The following SLC44A5 variants were observed in gnomAD, a reference collection of about 807,000 sequenced individuals.
SLC44A5 encodes choline transporter-like protein 5.
A neutral mutation model predicts 101.8 loss-of-function variants in SLC44A5; 57 were observed. That is an observed-to-expected ratio of 0.56 (90% CI 0.45 to 0.70). The LOEUF (loss-of-function observed/expected upper bound fraction) is 0.70, where lower values mean the gene tolerates loss of function less well. Among genes scored for constraint, SLC44A5 ranks in the 30% least tolerant of loss-of-function variants. The pLI, the probability that SLC44A5 is intolerant of heterozygous loss-of-function variation, is 0.00. For synonymous variants in SLC44A5, 281 were observed against 290.9 expected (o/e 0.97, Z 0.35); for missense variants, 737 against 853.1 (o/e 0.86, Z 1.70).
At chr1:75,427,656 C>T (rs1048367764) in intron 2 of SLC44A5, among the ~76,000 whole-genome samples, 3 of 152,140 alleles carry the variant, frequency 2.0e-5, no homozygotes, top group African/African-American at 7.2e-5. Context: ...AGGATTAAAT[C>T]CCAGGCTGTG....
At chr1:75,708,648 G>A in the SLC44A5 span, among the ~76,000 whole-genome samples, 5 of 151,854 alleles carry the variant, frequency 3.3e-5, no homozygotes, top group Non-Finnish European at 7.4e-5. Flanking sequence ...CATTAAAAAC[G>A]ATGGCAATTA....
chr1:75,435,655 T>C (rs934268769), intron 2 of SLC44A5, among the ~76,000 whole-genome samples: 2 of 152,156 alleles, frequency 1.3e-5, no homozygotes, highest in African/African-American at 4.8e-5. Flanking sequence ...CTCATTCCTA[T>C]AGGAGCAAAC....
intron 2 of SLC44A5, among the ~76,000 whole-genome samples, chr1:75,515,368 C>CA (rs531529764): frequency 1.2e-4 from 17 of 146,288 alleles, no homozygotes; most frequent in African/African-American, 2.7e-4. Context: ...TGATAGATGT[C>CA]AAAAAAAAAA....
At chr1:75,628,949 C>T in the SLC44A5 span, among the ~76,000 whole-genome samples, 1 of 152,100 alleles carries the variant, frequency 6.6e-6, no homozygotes, top group Non-Finnish European at 1.5e-5. Context: ...CAACTAGTTG[C>T]ATGTTCTACC....
rs577129649 is a variant in SLC44A5, at chr1:75,288,121, A to G, written c.175+12491T>C. ...CAGCAAGCCCAAAAAAAACTTTTAT[A>G]TTTGAAGGAAATAATTTCACCATCT... On this transcript the variant is annotated intron_variant, in intron 5 of 23. Coordinates refer to ENST00000370859, the MANE Select transcript of SLC44A5 (RefSeq NM_001130058.2). Among the ~76,000 whole-genome samples the G allele has an allele frequency of 7.9e-5, 12 of 152,294 alleles. No individual in the cohort carries two copies. In the South Asian group the frequency reaches 2.5e-3, roughly 32 times the overall value.
At chr1:75,699,899 G>C in the SLC44A5 span, among the ~76,000 whole-genome samples, 1,450 of 152,098 alleles carry the variant, frequency 9.5e-3, 15 homozygotes, top group Non-Finnish European at 0.017. Context: ...AAGATCAAAA[G>C]AGACAAAGAA....
At chr1:75,475,088 A>G (rs1464377588) in intron 2 of SLC44A5, among the ~76,000 whole-genome samples, 2 of 152,194 alleles carry the variant, frequency 1.3e-5, no homozygotes, top group Admixed American at 6.5e-5. Flanking sequence ...GTCCTTTACC[A>G]CTTGCCCTCT....
the SLC44A5 span, among the ~76,000 whole-genome samples, chr1:75,628,899 A>T: frequency 1.3e-5 from 2 of 152,172 alleles, no homozygotes; most frequent in East Asian, 3.8e-4. Context: ...TAACCCTTAG[A>T]GGAGACAAAG....
the SLC44A5 span, among the ~76,000 whole-genome samples, chr1:75,719,963 TAGGATGTTA>T: frequency 6.6e-6 from 1 of 152,204 alleles, no homozygotes; most frequent in Admixed American, 6.5e-5. Flanking sequence ...CAACGCCACC[TAGGATGTTA>T]ATCCACCATG....
chr1:75,645,974 C>T, the SLC44A5 span, among the ~76,000 whole-genome samples: 1 of 133,562 alleles, frequency 7.5e-6, no homozygotes, highest in African/African-American at 2.5e-5. Context: ...GGACTCCGTT[C>T]TGTTCCATTG....
the SLC44A5 span, among the ~76,000 whole-genome samples, chr1:75,706,032 C>G: frequency 1.3e-5 from 2 of 152,108 alleles, no homozygotes; most frequent in Non-Finnish European, 2.9e-5. Flanking sequence ...ACATTAATAG[C>G]GGGATCTTTT....
chr1:75,540,513 C>A (rs1181457275), intron 2 of SLC44A5, among the ~76,000 whole-genome samples: 2 of 152,180 alleles, frequency 1.3e-5, no homozygotes, highest in Admixed American at 1.3e-4. Context: ...GTATTTGCAG[C>A]CTTGAGGAAC....
intron 6 of SLC44A5, among the ~76,000 whole-genome samples, chr1:75,254,414 G>A (rs923584363): frequency 6.6e-6 from 1 of 152,102 alleles, no homozygotes; most frequent in Non-Finnish European, 1.5e-5. Flanking sequence ...AATTGAGGAA[G>A]TAACTCATAA....
intron 3 of SLC44A5, among the ~76,000 whole-genome samples, chr1:75,368,874 C>A (rs186736541): frequency 2.6e-5 from 4 of 152,124 alleles, no homozygotes; most frequent in Non-Finnish European, 4.4e-5. Flanking sequence ...AGTGTACTAA[C>A]CAATTAAATA....
At chr1:75,533,960 A>G (rs1670860631) in intron 2 of SLC44A5, among the ~76,000 whole-genome samples, 2 of 152,206 alleles carry the variant, frequency 1.3e-5, no homozygotes, top group African/African-American at 4.8e-5. Flanking sequence ...TAAATTGCAA[A>G]AGTCATAAAA....
At chr1:75,569,856 C>G (rs1672982075) in intron 1 of SLC44A5, among the ~76,000 whole-genome samples, 1 of 152,090 alleles carries the variant, frequency 6.6e-6, no homozygotes, top group African/African-American at 2.4e-5. Context: ...ATACCACAAG[C>G]AATTTATATG....
intron 3 of SLC44A5, among the ~76,000 whole-genome samples, chr1:75,379,019 G>A (rs757518311): frequency 0.017 from 1,153 of 68,882 alleles, 9 homozygotes; most frequent in South Asian, 0.043. Context: ...AAGAAAGGAA[G>A]GAGATACTGA....
chr1:75,359,152 G>A (rs986619321), intron 3 of SLC44A5, among the ~76,000 whole-genome samples: 1 of 147,900 alleles, frequency 6.8e-6, no homozygotes, highest in Non-Finnish European at 1.5e-5. Flanking sequence ...CCATGTTTTT[G>A]CAAATGACAG....
At chr1:75,568,324 T>G (rs1672894990) in intron 1 of SLC44A5, among the ~76,000 whole-genome samples, 1 of 152,088 alleles carries the variant, frequency 6.6e-6, no homozygotes, top group Admixed American at 6.5e-5. Flanking sequence ...AAAATCAGGA[T>G]AAACCCAACA....
Sources: allele counts gnomAD v4.1 joint callset (sites outside exome capture counted in the v4.1 genomes callset), GRCh38; gene constraint gnomAD v4.1.1; transcripts MANE v1.5; gene names NCBI Gene and HGNC (gene_info 2026-07-23, HGNC 2026-07-21).